Variants in TMEM132B observed in about 807,000 individuals in gnomAD.
The protein encoded by TMEM132B is transmembrane protein 132B.
A neutral mutation model predicts 90.8 loss-of-function variants in TMEM132B; 18 were observed. The observed-to-expected ratio is 0.20, with a 90% CI of 0.14 to 0.29. The LOEUF is 0.29. Among genes scored for constraint, TMEM132B ranks in the 10% least tolerant of loss-of-function variants. The pLI is 1.00. For synonymous variants in TMEM132B, 504 were observed against 523.3 expected (o/e 0.96, Z 0.50); for missense variants, 1,096 against 1,326.8 (o/e 0.83, Z 2.70).
chr12:125,429,945 G>T (rs1880447610), intron 3 of TMEM132B, among the ~76,000 whole-genome samples: 1 of 152,176 alleles, frequency 6.6e-6, no homozygotes, highest in South Asian at 2.1e-4. Context: ...GGGGAGTTAT[G>T]CTCCCTCCTT....
At chr12:125,218,058 A>G (rs1873477224) in intron 1 of TMEM132B, among the ~76,000 whole-genome samples, 1 of 152,236 alleles carries the variant, frequency 6.6e-6, no homozygotes, top group Non-Finnish European at 1.5e-5. Context: ...ATAAAGCAAG[A>G]TGTAGGGAGT....
rs941685427 is a variant in TMEM132B at position 125,277,802 on chromosome 12, TA to T, written c.68-71643del. On this transcript the variant is annotated intron_variant, in intron 1 of 8. Transcript: ENST00000682704. The surrounding 1 kb of genome is among the most constrained non-coding windows in gnomAD (Gnocchi z 4.3). ...AGCTCTGGGGAGCTAACAACGACGT[TA>T]AAAAAAGTTGGACAAATGGCTACTG... Among the ~76,000 whole-genome samples, 10 of 152,144 alleles carry T rather than the reference TA, an allele frequency of 6.6e-5. No individual in the cohort carries two copies. The highest frequency in any genetic ancestry group is 1.0e-4 in the Non-Finnish European group (7 of 68,020).
chr12:125,418,682 A>G (rs1358264254), intron 3 of TMEM132B, among the ~76,000 whole-genome samples: 2 of 152,232 alleles, frequency 1.3e-5, no homozygotes, highest in South Asian at 2.1e-4. Flanking sequence ...AGTTTTTGAT[A>G]GCATATTATG....
rs1194032660 is a variant in TMEM132B at position 125,407,064 on chromosome 12, T to G, written c.960-8467T>G. 1.3e-5 allele frequency among the ~76,000 whole-genome samples: 2 copies of G among 152,112 alleles called. No homozygotes were observed. The highest frequency in any genetic ancestry group is 1.5e-5 in the Non-Finnish European group (1 of 68,020). On this transcript the variant is annotated intron_variant, in intron 2 of 8. Transcript: ENST00000682704. The surrounding 1 kb of genome is among the most constrained non-coding windows in gnomAD (Gnocchi z 6.7). ...TCACCCAAGCTTGGTGTCCAGAGCT[T>G]TTTTTGGAACTTGGTCACATAGACA...
At chr12:125,212,945 A>G (rs1404021085) in intron 1 of TMEM132B, among the ~76,000 whole-genome samples, 2 of 152,142 alleles carry the variant, frequency 1.3e-5, no homozygotes, top group Non-Finnish European at 2.9e-5. Flanking sequence ...AGTTCACACA[A>G]CACACAACCA....
intron 2 of TMEM132B, among the ~76,000 whole-genome samples, chr12:125,373,472 A>T (rs1392233722): frequency 6.6e-6 from 1 of 152,202 alleles, no homozygotes; most frequent in Admixed American, 6.5e-5. Context: ...CTGCAAGCCA[A>T]GGAGAGGTCT....
At chr12:125,276,601 T>C (rs796189814) in intron 1 of TMEM132B, among the ~76,000 whole-genome samples, 24 of 152,210 alleles carry the variant, frequency 1.6e-4, no homozygotes, top group African/African-American at 5.8e-4. Context: ...TTTTTCTCCA[T>C]GGGGTAACTT....
Position 125,234,610 on chromosome 12 carries a change from T to C in TMEM132B, c.67+47744T>C, listed in dbSNP as rs987159134. On this transcript the variant is annotated intron_variant, in intron 1 of 8. Transcript: ENST00000682704. Reference sequence around the variant, plus strand: ...GTTCTGAGCCTTGCTCAGGGATCTGTATTTTCAGCAAGCAGTACAGGTGAT... The same window carrying C: ...GTTCTGAGCCTTGCTCAGGGATCTGCATTTTCAGCAAGCAGTACAGGTGAT... Among the ~76,000 whole-genome samples, 67 of 152,128 alleles carry C rather than the reference T, an allele frequency of 4.4e-4. 1 individual carries two copies. Among genetic ancestry groups the C allele is most frequent in the Non-Finnish European group, 7.5e-4 (51 of 68,024 alleles).
intron 5 of TMEM132B, among the ~76,000 whole-genome samples, chr12:125,589,929 G>A (rs998739374): frequency 6.6e-6 from 1 of 152,078 alleles, no homozygotes; most frequent in African/African-American, 2.4e-5. Context: ...ATGTTGAGAT[G>A]TAATCCCCAG....
At position 125,408,262 on chromosome 12, in the gene TMEM132B, G is replaced by A. The variant is rs944855337; in HGVS notation, c.960-7269G>A. 3.3e-5 allele frequency among the ~76,000 whole-genome samples: 5 copies of A among 152,166 alleles called. No individual in the cohort carries two copies. The highest frequency in any genetic ancestry group is 5.9e-5 in the Non-Finnish European group (4 of 68,028). ...TGAGATGTTACGCTTTACCAGTTCCGTTGTCAATGGGTGCTAGGGTCTGAA... is the reference window on the plus strand; with the variant it reads ...TGAGATGTTACGCTTTACCAGTTCCATTGTCAATGGGTGCTAGGGTCTGAA... On this transcript the variant is annotated intron_variant, in intron 2 of 8. Coordinates refer to ENST00000682704, the MANE Select transcript of TMEM132B (RefSeq NM_001366854.1). The surrounding 1 kb of genome is among the most constrained non-coding windows in gnomAD (Gnocchi z 5.9).
Position 125,246,559 on chromosome 12 carries a change from G to A in TMEM132B, c.67+59693G>A, listed in dbSNP as rs1874213185. Among the ~76,000 whole-genome samples, 1 of 152,050 alleles carries A rather than the reference G, an allele frequency of 6.6e-6. No homozygotes were observed. The highest frequency in any genetic ancestry group is 2.1e-4 in the South Asian group (1 of 4,818). On this transcript the variant is annotated intron_variant, in intron 1 of 8. Transcript: ENST00000682704. This position sits in a 1 kb window ranked among gnomAD's most constrained non-coding sequence, Gnocchi z 4.2. Reference sequence around the variant, plus strand: ...TTATTAAGTGATTCCCGTTTGCTTCGGCATGAATGCACAACATGCGAGACT... The same window carrying A: ...TTATTAAGTGATTCCCGTTTGCTTCAGCATGAATGCACAACATGCGAGACT...
Position 125,192,361 on chromosome 12 carries a change from T to A in TMEM132B, c.67+5495T>A, listed in dbSNP as rs144560050. ...CAGTTCATGGGCACTGAAGTTTTGG[T>A]GCAATTTATTGGATTTTGAGGCTGA... On this transcript the variant is annotated intron_variant, in intron 1 of 8. Coordinates refer to ENST00000682704, the MANE Select transcript of TMEM132B (RefSeq NM_001366854.1). Among the ~76,000 whole-genome samples, 897 of 152,306 alleles carry A rather than the reference T, an allele frequency of 5.9e-3. 4 individuals carry two copies. The highest frequency in any genetic ancestry group is 7.3e-3 in the Non-Finnish European group (496 of 68,024).
At chr12:125,596,232 C>G (rs1885437035) in intron 5 of TMEM132B, among the ~76,000 whole-genome samples, 1 of 152,100 alleles carries the variant, frequency 6.6e-6, no homozygotes, top group Non-Finnish European at 1.5e-5. Flanking sequence ...TTCACACTGC[C>G]TTTTGCAGCT....
intron 3 of TMEM132B, among the ~76,000 whole-genome samples, chr12:125,518,005 A>G (rs1002013454): frequency 2.6e-5 from 4 of 152,198 alleles, no homozygotes; most frequent in African/African-American, 9.6e-5. Context: ...TGGTGGCCAC[A>G]ATATTGGGCA....
intron 3 of TMEM132B, among the ~76,000 whole-genome samples, chr12:125,501,342 A>T (rs1178711159): frequency 2.6e-5 from 4 of 152,260 alleles, no homozygotes; most frequent in Non-Finnish European, 5.9e-5. Context: ...TTTACTTGAA[A>T]TTCAAAATTA....
At chr12:125,453,076 A>AACACAGAC (rs1374229793) in intron 3 of TMEM132B, among the ~76,000 whole-genome samples, 9 of 143,790 alleles carry the variant, frequency 6.3e-5, no homozygotes, top group East Asian at 2.0e-4. Flanking sequence ...ATTTCAGTAA[A>AACACAGAC]ACACACACAC....
intron 2 of TMEM132B, among the ~76,000 whole-genome samples, chr12:125,380,383 T>C (rs1878644411): frequency 6.6e-6 from 1 of 152,210 alleles, no homozygotes; most frequent in Non-Finnish European, 1.5e-5. Flanking sequence ...TTGAGATATT[T>C]ACCTTGCTTA....
At chr12:125,599,329 G>A (rs1033517864) in intron 5 of TMEM132B, among the ~76,000 whole-genome samples, 2 of 152,208 alleles carry the variant, frequency 1.3e-5, no homozygotes, top group African/African-American at 4.8e-5. Context: ...GGAACTGTGA[G>A]TCCCTTAAAC....
Position 125,505,178 on chromosome 12 carries a change from A to C in TMEM132B, c.1107-14261A>C, listed in dbSNP as rs866207639. 1.2e-4 allele frequency among the ~76,000 whole-genome samples: 17 copies of C among 141,270 alleles called. No individual in the cohort carries two copies. The East Asian group carries it at 3.0e-3, about 25-fold the overall frequency. The allele number at this position is 141,270 out of a possible 152,430, so 92.7% of individuals were successfully genotyped here. On this transcript the variant is annotated intron_variant, in intron 3 of 8. Transcript: ENST00000682704. ...ACACACCAGAGGACAAAAAAAAAAA[A>C]AAAAAAAAAAAAAAAAACAGTAAGT...
Sources: gnomAD v4.1 joint callset for allele counts (sites outside exome capture counted in the v4.1 genomes callset) on GRCh38, gnomAD v4.1.1 for gene constraint, Gnocchi (gnomAD v3.1) non-coding constraint, MANE v1.5 for transcripts, NCBI Gene and HGNC (gene_info 2026-07-23, HGNC 2026-07-21) for gene names.